CTIF: variants seen among roughly 807,000 people sequenced by gnomAD.
CTIF encodes the protein cap binding complex dependent translation initiation factor.
In CTIF, 21 loss-of-function variants were observed where a neutral mutation model predicts 66.0. That is an observed-to-expected ratio of 0.32 (90% CI 0.23 to 0.46). The LOEUF is 0.46. CTIF is among the 20% of genes least tolerant of loss of function. CTIF has a pLI of 1.00. For synonymous variants in CTIF, 345 were observed against 326.4 expected (o/e 1.06, Z -0.62); for missense variants, 739 against 812.7 (o/e 0.91, Z 1.10).
chr18:48,714,165 CA>C (rs1386088926), intron 7 of CTIF, among the ~76,000 whole-genome samples: 1 of 152,246 alleles, frequency 6.6e-6, no homozygotes, highest in Non-Finnish European at 1.5e-5. Flanking sequence ...GCTAATGACC[CA>C]TAGTAGTAGC....
intron 6 of CTIF, among the ~76,000 whole-genome samples, chr18:48,684,749 T>C (rs2091807525): frequency 6.6e-6 from 1 of 152,246 alleles, no homozygotes; most frequent in African/African-American, 2.4e-5. Flanking sequence ...TGTTCACTTT[T>C]TACCATACTC....
chr18:48,822,480 TCTTCATCTCC>T (rs1250292763), intron 10 of CTIF, among the ~76,000 whole-genome samples: 1 of 149,532 alleles, frequency 6.7e-6, no homozygotes, highest in African/African-American at 2.5e-5. Context: ...ACCCAACCAC[TCTTCATCTCC>T]CCACCCCCAC....
intron 7 of CTIF, among the ~76,000 whole-genome samples, chr18:48,739,749 C>CGTT (rs1424409949): frequency 6.6e-6 from 1 of 152,214 alleles, no homozygotes; most frequent in Admixed American, 6.5e-5. Context: ...CTCTGTCATA[C>CGTT]GTTGTGGTTT....
At chr18:48,665,733 C>T (rs1426119437) in intron 5 of CTIF, among the ~76,000 whole-genome samples, 1 of 152,082 alleles carries the variant, frequency 6.6e-6, no homozygotes, top group Non-Finnish European at 1.5e-5. Flanking sequence ...TCATATGTGA[C>T]CTCTTGGGCC....
At chr18:48,647,217 C>A (rs1036219602) in intron 3 of CTIF, among the ~76,000 whole-genome samples, 3 of 152,180 alleles carry the variant, frequency 2.0e-5, no homozygotes, top group Non-Finnish European at 4.4e-5. Context: ...GCATACTCTG[C>A]AATTCCATTT....
chr18:48,615,655 T>C (rs2090385691), intron 1 of CTIF, among the ~76,000 whole-genome samples: 1 of 152,138 alleles, frequency 6.6e-6, no homozygotes, highest in African/African-American at 2.4e-5. Flanking sequence ...AAGGGGAGTA[T>C]TTGTCCCATT....
chr18:48,603,166 T>TGGG (rs2090129693), intron 1 of CTIF, among the ~76,000 whole-genome samples: 1 of 81,216 alleles, frequency 1.2e-5, no homozygotes, highest in Non-Finnish European at 2.5e-5. Context: ...GGATGGATGG[T>TGGG]TGGATGGATA....
At chr18:48,785,858 G>C (rs72913725) in intron 9 of CTIF, among the ~76,000 whole-genome samples, 2 of 152,124 alleles carry the variant, frequency 1.3e-5, no homozygotes, top group Non-Finnish European at 2.9e-5. Flanking sequence ...TAGGACCCCC[G>C]CATCAACATT....
At chr18:48,699,392 ATGGGGC>A (rs61519043) in intron 6 of CTIF, among the ~76,000 whole-genome samples, 1,844 of 104,700 alleles carry the variant, frequency 0.018, 56 homozygotes, top group African/African-American at 0.066. Flanking sequence ...AAGTGCCAGC[ATGGGGC>A]TGGGGCTGGG....
intron 3 of CTIF, among the ~76,000 whole-genome samples, chr18:48,657,562 G>T (rs1390150504): frequency 2.0e-5 from 3 of 152,086 alleles, no homozygotes; most frequent in Non-Finnish European, 4.4e-5. Context: ...AGCACCCCGG[G>T]GAGCTCTGCA....
At chr18:48,608,352 T>C (rs2090242755) in intron 1 of CTIF, among the ~76,000 whole-genome samples, 1 of 152,164 alleles carries the variant, frequency 6.6e-6, no homozygotes, top group Admixed American at 6.5e-5. Context: ...AAACGTTAGC[T>C]CAAATATTTT....
chr18:48,828,366 G>A (rs988648292), intron 10 of CTIF, among the ~76,000 whole-genome samples: 12 of 152,174 alleles, frequency 7.9e-5, no homozygotes, highest in Admixed American at 3.9e-4. Flanking sequence ...ATGTGCTCAC[G>A]GGGGAATTAA....
chr18:48,587,893 TA>T (rs1227168243), intron 1 of CTIF, among the ~76,000 whole-genome samples: 3 of 152,234 alleles, frequency 2.0e-5, no homozygotes, highest in Non-Finnish European at 2.9e-5. Flanking sequence ...AAAAGAGGAT[TA>T]CTTACACACA....
intron 6 of CTIF, among the ~76,000 whole-genome samples, chr18:48,681,436 C>T (rs1453971178): frequency 6.6e-6 from 1 of 152,216 alleles, no homozygotes; most frequent in African/African-American, 2.4e-5. Flanking sequence ...CCACTCTTTC[C>T]CTCCTTTCCC....
At chr18:48,766,947 A>T (rs1032826142) in intron 9 of CTIF, among the ~76,000 whole-genome samples, 16 of 71,176 alleles carry the variant, frequency 2.2e-4, no homozygotes, top group African/African-American at 5.9e-4. Flanking sequence ...TTGGCCTGGG[A>T]TGTGTGTCGG....
intron 3 of CTIF, among the ~76,000 whole-genome samples, chr18:48,637,417 G>T (rs910584478): frequency 6.6e-6 from 1 of 152,168 alleles, no homozygotes; most frequent in Non-Finnish European, 1.5e-5. Context: ...TGGGATTAGA[G>T]GCTGAAAAAA....
At chr18:48,830,668 C>T (rs1018281057) in intron 10 of CTIF, among the ~76,000 whole-genome samples, 4 of 152,174 alleles carry the variant, frequency 2.6e-5, no homozygotes, top group African/African-American at 9.7e-5. Flanking sequence ...TTGGTTCACT[C>T]TCTGGGAGAA....
At chr18:48,765,958 C>CT (rs58491346) in intron 9 of CTIF, among the ~76,000 whole-genome samples, 57,616 of 145,430 alleles carry the variant, frequency 0.4, 11,837 homozygotes, top group East Asian at 0.75. Context: ...ATCATTTTTT[C>CT]TTTTTTTTAT....
At chr18:48,677,686 T>C (rs1377480977) in intron 6 of CTIF, among the ~76,000 whole-genome samples, 1 of 152,172 alleles carries the variant, frequency 6.6e-6, no homozygotes, top group Non-Finnish European at 1.5e-5. Context: ...GAATCGTCAC[T>C]CGATTCTTCC....
Sources: allele counts gnomAD v4.1 joint callset (sites outside exome capture counted in the v4.1 genomes callset), GRCh38; gene constraint gnomAD v4.1.1; transcripts MANE v1.5; gene names NCBI Gene and HGNC (gene_info 2026-07-23, HGNC 2026-07-21).